Variants in KDM4C observed in about 807,000 individuals in gnomAD.
The protein encoded by KDM4C is lysine-specific demethylase 4C.
A neutral mutation model predicts 129.3 loss-of-function variants in KDM4C; 81 were observed. The ratio of observed to expected loss-of-function variants is 0.63; its 90% CI spans 0.52 to 0.75. The LOEUF is 0.75. KDM4C is among the 30% of genes least tolerant of loss of function. The pLI, the probability that KDM4C is intolerant of heterozygous loss-of-function variation, is 0.00. For missense variants in KDM4C, 1,457 were observed against 1,304.0 expected (o/e 1.12, Z -1.81); for synonymous variants, 573 against 456.1 (o/e 1.26, Z -3.26).
intron 12 of KDM4C, among the ~76,000 whole-genome samples, chr9:6,996,368 A>T (rs1819752783): frequency 6.6e-6 from 1 of 152,104 alleles, no homozygotes; most frequent in South Asian, 2.1e-4. Flanking sequence ...CTCATGGTGC[A>T]TTGTTTGTTC....
intron 8 of KDM4C, among the ~76,000 whole-genome samples, chr9:6,947,879 A>T (rs1827257730): frequency 6.6e-6 from 1 of 151,968 alleles, no homozygotes; most frequent in Admixed American, 6.6e-5. Flanking sequence ...AAAACTGAGA[A>T]CCATTGCTGT....
chr9:6,991,813 A>G (rs1044145433), intron 12 of KDM4C, among the ~76,000 whole-genome samples: 2 of 152,074 alleles, frequency 1.3e-5, no homozygotes, highest in African/African-American at 4.8e-5. Flanking sequence ...AGGTGGGAGC[A>G]TTGCTTGAGC....
chr9:7,018,160 G>C (rs1442953939), intron 15 of KDM4C, among the ~76,000 whole-genome samples: 1 of 152,168 alleles, frequency 6.6e-6, no homozygotes, highest in African/African-American at 2.4e-5. Context: ...GGATGGTATA[G>C]CCTGCTACAC....
intron 19 of KDM4C, among the ~76,000 whole-genome samples, chr9:7,141,436 G>T (rs2129879948): frequency 6.6e-6 from 1 of 152,352 alleles, no homozygotes; most frequent in Non-Finnish European, 1.5e-5. Context: ...TTAGGAGAAT[G>T]TTGCAGTAAA....
chr9:6,891,226 A>G (rs1170183388), intron 7 of KDM4C, among the ~76,000 whole-genome samples: 1 of 152,140 alleles, frequency 6.6e-6, no homozygotes, highest in Non-Finnish European at 1.5e-5. Flanking sequence ...CCATAGCACC[A>G]TTATTCCTAG....
chr9:6,809,492 T>G (rs1412591568), intron 3 of KDM4C, among the ~76,000 whole-genome samples: 2 of 152,224 alleles, frequency 1.3e-5, no homozygotes, highest in Non-Finnish European at 2.9e-5. Context: ...TTTCAAGGGA[T>G]ACTTACTAAA....
intron 17 of KDM4C, among the ~76,000 whole-genome samples, chr9:7,100,479 A>G (rs1418726753): frequency 1.3e-5 from 2 of 152,088 alleles, no homozygotes; most frequent in Non-Finnish European, 2.9e-5. Flanking sequence ...AGCTGGGATT[A>G]CAGGTGCTCA....
intron 1 of KDM4C, among the ~76,000 whole-genome samples, chr9:6,768,297 CAGAT>C (rs543046807): frequency 1.7e-3 from 252 of 150,980 alleles, no homozygotes; most frequent in African/African-American, 6.0e-3. Context: ...TTTTTGGTGA[CAGAT>C]AGGCAGGCCC....
chr9:6,973,922 C>T (rs1243200656), intron 8 of KDM4C: 2 of 152,232 alleles, frequency 1.3e-5, no homozygotes, highest in Admixed American at 6.5e-5. Flanking sequence ...ATGGTACTTA[C>T]TGTGGCCAGC....
At chr9:7,067,952 C>A (rs4742303) in intron 17 of KDM4C, among the ~76,000 whole-genome samples, 81,474 of 151,732 alleles carry the variant, frequency 0.54, 22,887 homozygotes, top group Non-Finnish European at 0.63. Flanking sequence ...GCCACCACCA[C>A]GCATGGCTAA....
intron 6 of KDM4C, among the ~76,000 whole-genome samples, chr9:6,886,464 C>T (rs1845277108): frequency 6.6e-6 from 1 of 151,224 alleles, no homozygotes; most frequent in African/African-American, 2.4e-5. Context: ...AGGCACGCAC[C>T]ACCATGCCCG....
intron 18 of KDM4C, among the ~76,000 whole-genome samples, chr9:7,118,982 G>A (rs2133276357): frequency 6.6e-6 from 1 of 152,152 alleles, no homozygotes; most frequent in South Asian, 2.1e-4. Flanking sequence ...CCTTCCCCCT[G>A]TGCTCTTGCC....
At chr9:7,116,285 G>T (rs1262581182) in intron 18 of KDM4C, among the ~76,000 whole-genome samples, 2 of 152,044 alleles carry the variant, frequency 1.3e-5, no homozygotes, top group Non-Finnish European at 2.9e-5. Flanking sequence ...TCAGGAATTA[G>T]AAGAAAATGC....
chr9:6,935,169 A>G (rs1315716410), intron 8 of KDM4C, among the ~76,000 whole-genome samples: 1 of 152,142 alleles, frequency 6.6e-6, no homozygotes, highest in Non-Finnish European at 1.5e-5. Context: ...ACTGTTTTTT[A>G]GAATATAAAA....
chr9:6,881,736 GT>G (rs1485890402), intron 6 of KDM4C, among the ~76,000 whole-genome samples: 1 of 152,186 alleles, frequency 6.6e-6, no homozygotes, highest in Non-Finnish European at 1.5e-5. Flanking sequence ...TCAGTTGCCT[GT>G]TTATTCAAAA....
chr9:7,023,230 A>T (rs1825196564), intron 15 of KDM4C, among the ~76,000 whole-genome samples: 1 of 152,074 alleles, frequency 6.6e-6, no homozygotes, highest in African/African-American at 2.4e-5. Context: ...TCTTATTTAA[A>T]TGTTTGGTAG....
intron 12 of KDM4C, among the ~76,000 whole-genome samples, chr9:7,008,999 T>G (rs1822195720): frequency 6.6e-6 from 1 of 152,128 alleles, no homozygotes; most frequent in South Asian, 2.1e-4. Context: ...CAGGGAAACA[T>G]GACACCACTG....
intron 18 of KDM4C, among the ~76,000 whole-genome samples, chr9:7,119,359 G>T (rs1027040811): frequency 6.6e-6 from 1 of 152,134 alleles, no homozygotes. Context: ...AATGGGAAAA[G>T]ATACTATTTT....
chr9:6,801,157 C>T (rs1828874286), intron 2 of KDM4C, among the ~76,000 whole-genome samples: 4 of 146,862 alleles, frequency 2.7e-5, no homozygotes, highest in South Asian at 2.2e-4. Flanking sequence ...GTTATAGGTA[C>T]ATGTAGACCT....
Sources: allele counts gnomAD v4.1 joint callset (sites outside exome capture counted in the v4.1 genomes callset), GRCh38; gene constraint gnomAD v4.1.1; transcripts MANE v1.5; gene names NCBI Gene and HGNC (gene_info 2026-07-23, HGNC 2026-07-21).